The following CDK14 variants were observed in gnomAD, a reference collection of about 807,000 sequenced individuals.
CDK14 encodes cyclin dependent kinase 14, also known as cyclin-dependent kinase 14.
Under a neutral mutation model 60.7 loss-of-function variants are expected in CDK14, and 34 were observed. The ratio of observed to expected loss-of-function variants is 0.56; its 90% CI spans 0.43 to 0.75. The LOEUF (loss-of-function observed/expected upper bound fraction) is 0.75. Ranked by LOEUF, CDK14 falls within the 30% of genes least tolerant of loss-of-function variation. The pLI, the probability that CDK14 is intolerant of heterozygous loss-of-function variation, is 0.00. For synonymous variants in CDK14, 197 were observed against 203.7 expected (o/e 0.97, Z 0.28); for missense variants, 482 against 564.1 (o/e 0.85, Z 1.47).
intron 14 of CDK14, among the ~76,000 whole-genome samples, chr7:91,199,143 C>A (rs571271574): frequency 6.6e-6 from 1 of 152,072 alleles, no homozygotes; most frequent in Non-Finnish European, 1.5e-5. Context: ...GTATGCTGAG[C>A]AAATAAGGCT....
chr7:91,054,823 C>T (rs1797504995), intron 11 of CDK14, among the ~76,000 whole-genome samples: 1 of 152,100 alleles, frequency 6.6e-6, no homozygotes, highest in Admixed American at 6.6e-5. Flanking sequence ...CCTGTGAGCA[C>T]AGGGACAGCG....
At chr7:91,053,126 C>G (rs368671073) in intron 11 of CDK14, among the ~76,000 whole-genome samples, 1 of 152,166 alleles carries the variant, frequency 6.6e-6, no homozygotes, top group Non-Finnish European at 1.5e-5. Flanking sequence ...AAATAAAATA[C>G]TATGGTGATA....
At chr7:90,801,647 G>A (rs1227623205) in intron 5 of CDK14, among the ~76,000 whole-genome samples, 1 of 152,138 alleles carries the variant, frequency 6.6e-6, no homozygotes, top group Non-Finnish European at 1.5e-5. Flanking sequence ...AATGTTCCAG[G>A]CTGTTCTGTT....
chr7:91,107,962 A>C (rs937172925), intron 12 of CDK14, among the ~76,000 whole-genome samples: 2 of 152,238 alleles, frequency 1.3e-5, no homozygotes, highest in African/African-American at 4.8e-5. Context: ...GCTTGACAGA[A>C]TTGAAACCTC....
chr7:90,665,874 A>G (rs1434348121), intron 2 of CDK14, among the ~76,000 whole-genome samples: 1 of 152,194 alleles, frequency 6.6e-6, no homozygotes, highest in African/African-American at 2.4e-5. Context: ...TCTGATATAG[A>G]CACAGGACTT....
chr7:91,101,235 C>T (rs1363219727), intron 12 of CDK14, among the ~76,000 whole-genome samples: 1 of 152,298 alleles, frequency 6.6e-6, no homozygotes, highest in East Asian at 1.9e-4. Context: ...AGCAATAACT[C>T]TTTGGCATGG....
chr7:90,824,182 G>T (rs528118364), intron 5 of CDK14, among the ~76,000 whole-genome samples: 22 of 152,136 alleles, frequency 1.4e-4, no homozygotes, highest in Non-Finnish European at 2.6e-4. Flanking sequence ...GATTCTACAT[G>T]GTCTTCGAGC....
chr7:90,749,544 G>C (rs1012326914), intron 4 of CDK14, among the ~76,000 whole-genome samples: 1 of 152,224 alleles, frequency 6.6e-6, no homozygotes, highest in Non-Finnish European at 1.5e-5. Context: ...CACCCAGGCA[G>C]ATCTCCAGGC....
chr7:90,942,581 C>G (rs1793968129), intron 8 of CDK14, among the ~76,000 whole-genome samples: 1 of 152,128 alleles, frequency 6.6e-6, no homozygotes, highest in Admixed American at 6.5e-5. Flanking sequence ...GAATAGCTTT[C>G]AGCACACACC....
chr7:91,028,098 T>G (rs1006779382), intron 10 of CDK14, among the ~76,000 whole-genome samples: 59 of 150,350 alleles, frequency 3.9e-4, no homozygotes, highest in African/African-American at 1.3e-3. Context: ...TTCTTATGCT[T>G]TTGCATACCT....
intron 5 of CDK14, among the ~76,000 whole-genome samples, chr7:90,797,241 AGGG>A (rs969413992): frequency 1.9e-4 from 29 of 151,790 alleles, no homozygotes; most frequent in African/African-American, 7.0e-4. Context: ...CCTCCAAATG[AGGG>A]CAATGAGGAA....
At chr7:90,960,564 T>A (rs1794573078) in intron 9 of CDK14, among the ~76,000 whole-genome samples, 5 of 152,136 alleles carry the variant, frequency 3.3e-5, no homozygotes, top group Admixed American at 3.3e-4. Context: ...CCACTCTTGA[T>A]ATATAGAAAA....
rs1202756872 is a variant in CDK14 at position 90,607,339 on chromosome 7, G to A, written c.123+3090G>A. ...GGTCAGCTTCTTAGGTATGCAATAA[G>A]GTGTGGCAACTCTCCTTAGTATTTA... On this transcript the variant is annotated intron_variant, in intron 2 of 14. Transcript: ENST00000380050. Among the ~76,000 whole-genome samples, 3 of 152,258 alleles carry A rather than the reference G, an allele frequency of 2.0e-5. No homozygotes were observed. The East Asian group carries it at 5.8e-4, about 29-fold the overall frequency.
intron 10 of CDK14, among the ~76,000 whole-genome samples, chr7:91,018,329 G>T (rs1445665829): frequency 6.6e-6 from 1 of 152,132 alleles, no homozygotes; most frequent in Non-Finnish European, 1.5e-5. Flanking sequence ...TCTTTGAGTT[G>T]CCATAACAAA....
intron 12 of CDK14, among the ~76,000 whole-genome samples, chr7:91,096,120 G>A (rs1352633265): frequency 2.1e-5 from 3 of 142,042 alleles, no homozygotes; most frequent in African/African-American, 7.9e-5. Context: ...AGTGTGGCCA[G>A]CAGCCCCAAA....
chr7:90,981,983 C>A (rs1191026039), intron 9 of CDK14, among the ~76,000 whole-genome samples: 1 of 152,126 alleles, frequency 6.6e-6, no homozygotes, highest in East Asian at 1.9e-4. Flanking sequence ...ACCATACTGC[C>A]CCATTCTCCA....
At chr7:90,696,607 A>G (rs1016202795) in intron 2 of CDK14, among the ~76,000 whole-genome samples, 1 of 152,014 alleles carries the variant, frequency 6.6e-6, no homozygotes, top group African/African-American at 2.4e-5. Context: ...CCTATTATGT[A>G]TCCTAAAGGA....
intron 2 of CDK14, among the ~76,000 whole-genome samples, chr7:90,645,409 G>GT (rs985125966): frequency 2.0e-5 from 3 of 152,018 alleles, no homozygotes; most frequent in Admixed American, 2.0e-4. Flanking sequence ...AGACTTGTTA[G>GT]TTTTATCCTT....
intron 6 of CDK14, among the ~76,000 whole-genome samples, chr7:90,868,314 CACATACACAT>C (rs1791253535): frequency 6.6e-6 from 1 of 150,992 alleles, no homozygotes; most frequent in African/African-American, 2.4e-5. Context: ...CACACACACA[CACATACACAT>C]ACATACACAC....
Sources: gnomAD v4.1 joint callset for allele counts (sites outside exome capture counted in the v4.1 genomes callset) on GRCh38, gnomAD v4.1.1 for gene constraint, MANE v1.5 for transcripts, NCBI Gene and HGNC (gene_info 2026-07-23, HGNC 2026-07-21) for gene names.